Variants in LYPD1 observed in about 807,000 individuals in gnomAD.
LYPD1 encodes ly6/PLAUR domain-containing protein 1.
In LYPD1, 14 loss-of-function variants were observed where a neutral mutation model predicts 14.2. The ratio of observed to expected loss-of-function variants is 0.99; its 90% CI spans 0.65 to 1.54. The LOEUF is 1.54. LYPD1 is among the 40% of genes most tolerant of loss of function. The pLI is 0.00. For missense variants in LYPD1, 165 were observed against 175.7 expected (o/e 0.94, Z 0.34); for synonymous variants, 85 against 70.6 (o/e 1.20, Z -1.02).
chr2:132,660,134 T>C (rs183655023), intron 2 of LYPD1, among the ~76,000 whole-genome samples: 1 of 152,238 alleles, frequency 6.6e-6, no homozygotes, highest in Admixed American at 6.5e-5. Context: ...GTCCAAGAAA[T>C]AGAAAAACAT....
chr2:132,645,452 G>A lies in LYPD1; in HGVS notation c.*593C>T. The A allele has an allele frequency of 3.7e-6, 6 of 1,613,318 alleles. No individual in the cohort carries two copies. The highest frequency in any genetic ancestry group is 5.1e-6 in the Non-Finnish European group (6 of 1,179,996). On this transcript the variant is annotated 3_prime_UTR_variant, in exon 3 of 3. Coordinates refer to ENST00000397463, the MANE Select transcript of LYPD1 (RefSeq NM_144586.7). ...GCGTCCCGGCGCCAGTCCTCTGCAA[G>A]GAGAACTGAGAAGATTTTCTTAAGC...
intron 2 of LYPD1, among the ~76,000 whole-genome samples, chr2:132,662,573 G>A (rs1683013638): frequency 7.4e-6 from 1 of 135,124 alleles, no homozygotes; most frequent in Non-Finnish European, 1.6e-5. Context: ...TAGGAAGGAA[G>A]GAAGGAAGGT....
chr2:132,658,971 T>C (rs1682766745), intron 2 of LYPD1, among the ~76,000 whole-genome samples: 1 of 151,608 alleles, frequency 6.6e-6, no homozygotes, highest in African/African-American at 2.4e-5. Flanking sequence ...TGTGTGTGTG[T>C]GTTTCTTGAA....
In LYPD1 at chr2:132,655,514, AT is replaced by A. The variant is rs1180944589; in HGVS notation, c.191-9235del. ...ATGATTCTCTTGGGGGTTGAGAAGC[AT>A]TTTTTTTTTTTTTTTTTGAGATGGA... is the stretch of plus-strand genomic sequence containing the variant. On this transcript the variant is annotated intron_variant, in intron 2 of 2. Transcript: ENST00000397463. 1.9e-3 allele frequency among the ~76,000 whole-genome samples: 189 copies of A among 99,446 alleles called. 1 individual carries two copies. Among genetic ancestry groups the A allele is most frequent in the African/African-American group, 4.4e-3 (91 of 20,796 alleles). 65.2% of individuals were successfully genotyped at this position (99,446 alleles called of 152,430 possible).
chr2:132,647,449 G>T (rs1373001715), intron 2 of LYPD1, among the ~76,000 whole-genome samples: 2 of 151,976 alleles, frequency 1.3e-5, no homozygotes, highest in Non-Finnish European at 1.5e-5. Context: ...GCTTTTTTTT[G>T]AGACGGAGTC....
rs1030353499 is a variant in LYPD1 at position 132,644,893 on chromosome 2, C to T, written c.*1152G>A. 2.5e-5 allele frequency: 15 copies of T among 589,458 alleles called. No homozygotes were observed. In the South Asian group the frequency reaches 3.3e-4, roughly 13 times the overall value. 36.5% of individuals were successfully genotyped at this position (589,458 alleles called of 1,614,324 possible). ...TTTAATGGTCTTTCTTTAACACAGCCAACTCCCCCGGGTTTGAAACAGTGT... is the reference window on the plus strand; with the variant it reads ...TTTAATGGTCTTTCTTTAACACAGCTAACTCCCCCGGGTTTGAAACAGTGT... On this transcript the variant is annotated 3_prime_UTR_variant, in exon 3 of 3. Coordinates refer to ENST00000397463, the MANE Select transcript of LYPD1 (RefSeq NM_144586.7).
chr2:132,659,668 G>A (rs1682814095), intron 2 of LYPD1, among the ~76,000 whole-genome samples: 1 of 152,206 alleles, frequency 6.6e-6, no homozygotes, highest in African/African-American at 2.4e-5. Flanking sequence ...CTCAGAGAAT[G>A]TTAACTCATC....
At position 132,645,466 on chromosome 2, in the gene LYPD1, A is replaced by AT. The variant is rs763862596; in HGVS notation, c.*578dup. 3.5e-5 allele frequency: 57 copies of AT among 1,613,922 alleles called. No homozygotes were observed. The East Asian group carries it at 1.2e-3, about 35-fold the overall frequency. On this transcript the variant is annotated 3_prime_UTR_variant, in exon 3 of 3. Coordinates refer to ENST00000397463, the MANE Select transcript of LYPD1 (RefSeq NM_144586.7). ...GTCCTCTGCAAGGAGAACTGAGAAG[A>AT]TTTTCTTAAGCACTTTTCAGAGCGA...
chr2:132,644,362 C>A lies in LYPD1; in HGVS notation c.*1683G>T, dbSNP rs1031494007. ...AGCTCAGTGCTGCAAAGGAAGGGAA[C>A]ATGTTACTGGCTGAACTAGAAGGAA... On this transcript the variant is annotated 3_prime_UTR_variant, in exon 3 of 3. Transcript: ENST00000397463. 1.3e-5 allele frequency among the ~76,000 whole-genome samples: 2 copies of A among 152,208 alleles called. No individual in the cohort carries two copies. Among genetic ancestry groups the A allele is most frequent in the Non-Finnish European group, 2.9e-5 (2 of 68,032 alleles).
rs768181387 is a variant in LYPD1, at chr2:132,646,104, G to A, written c.367C>T (p.Pro123Ser). The change falls in exon 3 of 3, where the codon CCA becomes TCA. Residue 123 changes from proline (P) to serine (S), a missense_variant. By Grantham distance (74) the Pro-to-Ser change is moderately conservative (BLOSUM62 -1). Coordinates refer to ENST00000397463, the MANE Select transcript of LYPD1 (RefSeq NM_144586.7). ...KRGSSASALR[P>S]GLRTTILFLK... ...AACAGGATGGTGGTGCGGAGCCCTGGCCTGAGGGCCGAGGCAGAACTTCCC... is the reference window on the plus strand; with the variant it reads ...AACAGGATGGTGGTGCGGAGCCCTGACCTGAGGGCCGAGGCAGAACTTCCC... 1.9e-6 allele frequency: 3 copies of A among 1,607,886 alleles called. No individual in the cohort carries two copies. The highest frequency in any genetic ancestry group is 4.5e-5 in the East Asian group (2 of 44,470).
At chr2:132,667,905 G>C (rs1683377061) in intron 2 of LYPD1, among the ~76,000 whole-genome samples, 1 of 152,218 alleles carries the variant, frequency 6.6e-6, no homozygotes, top group South Asian at 2.1e-4. Context: ...TTTGTGCCTG[G>C]AAGTTGATGC....
At chr2:132,667,807 C>G (rs1421732779) in intron 2 of LYPD1, among the ~76,000 whole-genome samples, 1 of 152,172 alleles carries the variant, frequency 6.6e-6, no homozygotes, top group Non-Finnish European at 1.5e-5. Flanking sequence ...CTCCCCTTCC[C>G]CCACAGGATG....
At chr2:132,655,018 C>G (rs556450906) in intron 2 of LYPD1, among the ~76,000 whole-genome samples, 85 of 152,250 alleles carry the variant, frequency 5.6e-4, no homozygotes, top group Non-Finnish European at 9.9e-4. Context: ...AAGCATGAGC[C>G]ACGGAGCCCG....
intron 2 of LYPD1, among the ~76,000 whole-genome samples, chr2:132,652,001 G>A (rs1244657609): frequency 6.6e-6 from 1 of 152,186 alleles, no homozygotes. Flanking sequence ...GGAATGGCTG[G>A]GTTCTAGCTG....
intron 2 of LYPD1, among the ~76,000 whole-genome samples, chr2:132,647,358 C>CAATT (rs763838208): frequency 1.5e-4 from 23 of 152,184 alleles, no homozygotes; most frequent in Non-Finnish European, 2.5e-4. Context: ...ATTGGATTGC[C>CAATT]AATTAACCAC....
intron 2 of LYPD1, among the ~76,000 whole-genome samples, chr2:132,651,894 C>T (rs546843129): frequency 1.3e-5 from 2 of 152,292 alleles, no homozygotes; most frequent in African/African-American, 2.4e-5. Flanking sequence ...GGTAGTTTGA[C>T]GGGTCCACAA....
At chr2:132,649,874 T>C (rs1436378005) in intron 2 of LYPD1, among the ~76,000 whole-genome samples, 3 of 151,234 alleles carry the variant, frequency 2.0e-5, no homozygotes, top group African/African-American at 7.3e-5. Flanking sequence ...TTTGGAACCT[T>C]GGGAGATTTT....
intron 2 of LYPD1, among the ~76,000 whole-genome samples, chr2:132,665,156 T>C (rs1041356560): frequency 1.3e-5 from 2 of 152,220 alleles, no homozygotes; most frequent in Non-Finnish European, 2.9e-5. Flanking sequence ...TAAAGGTTAA[T>C]TTCAAACATA....
chr2:132,645,319 C>T lies in LYPD1; in HGVS notation c.*726G>A. 1 of 1,614,212 alleles carries T rather than the reference C, an allele frequency of 6.2e-7. No individual in the cohort carries two copies. Among genetic ancestry groups the T allele is most frequent in the Non-Finnish European group, 8.5e-7 (1 of 1,180,034 alleles). On this transcript the variant is annotated 3_prime_UTR_variant, in exon 3 of 3. Coordinates refer to ENST00000397463, the MANE Select transcript of LYPD1 (RefSeq NM_144586.7). ...GTTTCGGCGGGTGTTCGTGCAGGTG[C>T]TGTGCTGCCGCCTGTCGCTGCAGCA... is the stretch of plus-strand genomic sequence containing the variant.
Sources: gnomAD v4.1 joint callset for allele counts (sites outside exome capture counted in the v4.1 genomes callset) on GRCh38, gnomAD v4.1.1 for gene constraint, MANE v1.5 for transcripts, NCBI Gene and HGNC (gene_info 2026-07-23, HGNC 2026-07-21) for gene names.